The following TPH2 variants were observed in gnomAD, a reference collection of about 807,000 sequenced individuals.
TPH2 encodes tryptophan hydroxylase 2, also known as tryptophan 5-hydroxylase 2.
A neutral mutation model predicts 59.1 loss-of-function variants in TPH2; 27 were observed. The ratio of observed to expected loss-of-function variants is 0.46; its 90% CI spans 0.34 to 0.63. The LOEUF (loss-of-function observed/expected upper bound fraction) is 0.63, where lower values mean the gene tolerates loss of function less well. Among genes scored for constraint, TPH2 ranks in the 30% least tolerant of loss-of-function variants. The probability of loss-of-function intolerance (pLI) is 0.01; values close to 1 mark genes in which losing one functional copy is unlikely to be tolerated. For missense variants in TPH2, 523 were observed against 588.3 expected, an observed-to-expected ratio of 0.89 and a Z score of 1.15; for synonymous variants, 220 against 210.5, an observed-to-expected ratio of 1.05 and a Z score of -0.39.
At chr12:72,026,065 A>G (rs1873559894) in intron 9 of TPH2, among the ~76,000 whole-genome samples, 1 of 152,190 alleles carries the variant, frequency 6.6e-6, no homozygotes, top group African/African-American at 2.4e-5. Context: ...GGTGGTGAGG[A>G]AATGATTGCT....
chr12:72,004,526 C>T (rs549289267), intron 8 of TPH2, among the ~76,000 whole-genome samples: 4 of 138,862 alleles, frequency 2.9e-5, no homozygotes, highest in East Asian at 2.8e-4. Context: ...CCTGATATTG[C>T]GGACTTCTTA....
intron 5 of TPH2, among the ~76,000 whole-genome samples, chr12:71,950,335 G>A (rs1006505893): frequency 1.9e-4 from 29 of 152,292 alleles, no homozygotes; most frequent in Admixed American, 7.2e-4. Context: ...TCCGAAAAGA[G>A]AGTCAGCGAA....
At chr12:72,003,955 G>T (rs115070577) in intron 8 of TPH2, among the ~76,000 whole-genome samples, 3,632 of 152,252 alleles carry the variant, frequency 0.024, 161 homozygotes, top group African/African-American at 0.083. Flanking sequence ...AACTCATAAA[G>T]ATAGAACTAC....
chr12:72,017,733 C>T (rs1176273013), intron 8 of TPH2, among the ~76,000 whole-genome samples: 2 of 152,078 alleles, frequency 1.3e-5, no homozygotes, highest in Non-Finnish European at 2.9e-5. Flanking sequence ...TATTATAGAT[C>T]CACATCTGGA....
intron 8 of TPH2, among the ~76,000 whole-genome samples, chr12:72,021,374 TGTGTGTGTG>T (rs1873411492): frequency 6.6e-6 from 1 of 150,950 alleles, no homozygotes; most frequent in Non-Finnish European, 1.5e-5. Context: ...TGTGTGTGTG[TGTGTGTGTG>T]TGTGTGTGTG....
At chr12:71,960,774 A>G (rs557387501) in intron 5 of TPH2, among the ~76,000 whole-genome samples, 1 of 152,292 alleles carries the variant, frequency 6.6e-6, no homozygotes, top group South Asian at 2.1e-4. Flanking sequence ...AAGAGGTATG[A>G]GTATTTTTAC....
chr12:71,977,318 A>T (rs1157750670), intron 6 of TPH2, among the ~76,000 whole-genome samples: 1 of 151,948 alleles, frequency 6.6e-6, no homozygotes, highest in Non-Finnish European at 1.5e-5. Context: ...TGGCCTCCTA[A>T]AGTACTGGTA....
chr12:72,009,412 C>A (rs1327098000), intron 8 of TPH2, among the ~76,000 whole-genome samples: 1 of 152,146 alleles, frequency 6.6e-6, no homozygotes, highest in Non-Finnish European at 1.5e-5. Flanking sequence ...TATCCTTTAC[C>A]AAATTAATTT....
At chr12:71,942,980 G>C (rs1871113611) in intron 2 of TPH2, among the ~76,000 whole-genome samples, 1 of 152,126 alleles carries the variant, frequency 6.6e-6, no homozygotes, top group Non-Finnish European at 1.5e-5. Context: ...CCATCAGCTA[G>C]TCACGGGGCC....
At chr12:71,952,269 G>GA (rs997975977) in intron 5 of TPH2, among the ~76,000 whole-genome samples, 2 of 151,870 alleles carry the variant, frequency 1.3e-5, no homozygotes, top group Non-Finnish European at 2.9e-5. Context: ...TGTCTGTAGA[G>GA]AAAAAAAAGT....
intron 7 of TPH2, among the ~76,000 whole-genome samples, chr12:71,989,429 G>C (rs921426036): frequency 3.3e-5 from 5 of 152,106 alleles, no homozygotes; most frequent in Non-Finnish European, 7.4e-5. Flanking sequence ...ACCCTATTTT[G>C]GCTCCCAGCT....
intron 8 of TPH2, among the ~76,000 whole-genome samples, chr12:71,998,111 A>G (rs1275776276): frequency 6.6e-6 from 1 of 152,190 alleles, no homozygotes; most frequent in Non-Finnish European, 1.5e-5. Flanking sequence ...AATGCTTTAA[A>G]TGCAGTGAAG....
At chr12:71,982,032 T>TTTTTTTTTTTTTTTTTTAA (rs71071810) in intron 7 of TPH2, among the ~76,000 whole-genome samples, 1 of 144,340 alleles carries the variant, frequency 6.9e-6, no homozygotes, top group African/African-American at 2.6e-5. Context: ...TTTTTTTTTT[T>TTTTTTTTTTTTTTTTTTAA]AGACAGAGTC....
chr12:71,978,314 C>T (rs958061128), intron 6 of TPH2, among the ~76,000 whole-genome samples: 1 of 152,012 alleles, frequency 6.6e-6, no homozygotes. Flanking sequence ...TGATGACTCA[C>T]AACCTAATTG....
intron 5 of TPH2, among the ~76,000 whole-genome samples, chr12:71,966,560 A>G (rs918801889): frequency 2.0e-5 from 3 of 152,294 alleles, no homozygotes. Context: ...CATCTCTTGA[A>G]TAAGTGAGGC....
intron 8 of TPH2, among the ~76,000 whole-genome samples, chr12:72,012,501 A>T (rs1370404408): frequency 6.6e-6 from 1 of 152,240 alleles, no homozygotes; most frequent in African/African-American, 2.4e-5. Flanking sequence ...TGGGAGGAAG[A>T]CGGTGGAGCA....
intron 5 of TPH2, among the ~76,000 whole-genome samples, chr12:71,954,509 G>A (rs1017378732): frequency 6.6e-6 from 1 of 152,134 alleles, no homozygotes; most frequent in African/African-American, 2.4e-5. Flanking sequence ...AGTACCCCAT[G>A]ATTAGATAAT....
intron 5 of TPH2, chr12:71,961,564 T>A: frequency 7.4e-7 from 1 of 1,352,142 alleles, no homozygotes; most frequent in Non-Finnish European, 9.8e-7. Flanking sequence ...GGCCCAAGAC[T>A]GTTAGCTGCT....
chr12:71,942,017 T>C (rs1871083778), intron 2 of TPH2, among the ~76,000 whole-genome samples: 1 of 152,104 alleles, frequency 6.6e-6, no homozygotes, highest in Admixed American at 6.6e-5. Context: ...GCTTCACACC[T>C]GAAAATGAAA....
Sources: allele counts gnomAD v4.1 joint callset (sites outside exome capture counted in the v4.1 genomes callset), GRCh38; gene constraint gnomAD v4.1.1; transcripts MANE v1.5; gene names NCBI Gene and HGNC (gene_info 2026-07-23, HGNC 2026-07-21).